The following ITGA1 variants were observed in gnomAD, a reference collection of about 807,000 sequenced individuals.
The protein encoded by ITGA1 is integrin alpha-1.
ITGA1 carries 85 observed loss-of-function variants against 145.9 expected under a neutral mutation model. The ratio of observed to expected loss-of-function variants is 0.58; its 90% CI spans 0.49 to 0.70. The LOEUF (loss-of-function observed/expected upper bound fraction) is 0.70. ITGA1 is among the 30% of genes least tolerant of loss of function. The probability of loss-of-function intolerance (pLI) is 0.00; values close to 1 mark genes in which losing one functional copy is unlikely to be tolerated. For synonymous variants in ITGA1, 520 were observed against 495.3 expected, an observed-to-expected ratio of 1.05 and a Z score of -0.66; for missense variants, 1,351 against 1,418.7, an observed-to-expected ratio of 0.95 and a Z score of 0.77.
At chr5:52,938,631 A>C (rs1270964369) in intron 24 of ITGA1, among the ~76,000 whole-genome samples, 1 of 152,198 alleles carries the variant, frequency 6.6e-6, no homozygotes, top group Non-Finnish European at 1.5e-5. Flanking sequence ...AATCTTATTA[A>C]CTTTTGTCAA....
At chr5:52,801,111 A>G (rs1748470641) in intron 1 of ITGA1, 1 of 1,600,652 alleles carries the variant, frequency 6.2e-7, no homozygotes, top group African/African-American at 1.3e-5. Flanking sequence ...ACCGGTCCAA[A>G]TTTCTTCAGG....
chr5:52,887,696 C>A, intron 7 of ITGA1, 119 bp from the exon 8 acceptor site: 1 of 863,606 alleles, frequency 1.2e-6, no homozygotes, highest in South Asian at 2.3e-5. Context: ...GGCATTGATG[C>A]TAATTTTGGA....
At position 52,955,931 on chromosome 5, in the gene ITGA1, G is replaced by A. The variant is rs1367968463; in HGVS notation, c.*3480G>A. 9.5e-5 allele frequency: 8 copies of A among 84,074 alleles called. No individual in the cohort carries two copies. The highest frequency in any genetic ancestry group is 1.7e-4 in the African/African-American group (4 of 23,744). 5.2% of individuals were successfully genotyped at this position (84,074 alleles called of 1,614,324 possible). ...CCATAATAATTTTATCTATAAATGC[G>A]TATATACATATATATATATATATAT... is the stretch of plus-strand genomic sequence containing the variant. On this transcript the variant is annotated 3_prime_UTR_variant, in exon 29 of 29. Transcript: ENST00000282588.
chr5:52,928,997 G>C (rs1253286824), intron 20 of ITGA1, among the ~76,000 whole-genome samples: 2 of 152,104 alleles, frequency 1.3e-5, no homozygotes, highest in Non-Finnish European at 2.9e-5. Flanking sequence ...TATTTAGTCT[G>C]TTGGGCCTAG....
intron 6 of ITGA1, among the ~76,000 whole-genome samples, chr5:52,873,038 C>A (rs1749803251): frequency 6.6e-6 from 1 of 152,090 alleles, no homozygotes; most frequent in Admixed American, 6.6e-5. Context: ...GGAAGATAGT[C>A]TAGGGTTTTA....
At chr5:52,915,714 C>G (rs189125277) in intron 15 of ITGA1, 120 bp downstream of exon 15, 1 of 1,222,250 alleles carries the variant, frequency 8.2e-7, no homozygotes, top group African/African-American at 1.5e-5. Context: ...TATGCAAATA[C>G]AAGTTATTCA....
intron 15 of ITGA1, among the ~76,000 whole-genome samples, chr5:52,917,473 G>GA (rs1401939968): frequency 6.7e-6 from 1 of 150,312 alleles, no homozygotes; most frequent in African/African-American, 2.5e-5. Context: ...ACTATACTCA[G>GA]AAACCTTTTT....
intron 2 of ITGA1, among the ~76,000 whole-genome samples, chr5:52,850,461 C>G (rs753633738): frequency 3.3e-5 from 5 of 152,014 alleles, no homozygotes; most frequent in Non-Finnish European, 5.9e-5. Flanking sequence ...AGTTTAATAA[C>G]TTAAACTAAA....
rs1192994868 is a variant in ITGA1 at position 52,910,318 on chromosome 5, T to C, written c.1756T>C (p.Phe586Leu). Residue 586 changes from phenylalanine (F) to leucine (L), a missense_variant, in exon 14 of 29, where the codon TTT becomes CTT. By Grantham distance (22) the Phe-to-Leu change is conservative. Transcript: ENST00000282588. ...AAVKDLNLDG[F>L]NDIVIGAPLE... The stretch of plus-strand genomic sequence containing the variant: ...TGTAAAAGACCTCAATCTTGATGGA[T>C]TTAATGACATCGTGATAGGAGCTCC... 6.2e-7 allele frequency: 1 copy of C among 1,613,946 alleles called. No homozygotes were observed. The highest frequency in any genetic ancestry group is 8.5e-7 in the Non-Finnish European group (1 of 1,179,910).
chr5:52,882,549 A>C lies in ITGA1; in HGVS notation c.773+528A>C, dbSNP rs375252797. ...AAAGTTTGAAAGAAATGGAAAGGATATTATCATTTGTAATCCTCTCTCCTT... is the reference window on the plus strand; with the variant it reads ...AAAGTTTGAAAGAAATGGAAAGGATCTTATCATTTGTAATCCTCTCTCCTT... On this transcript the variant is annotated intron_variant, in intron 7 of 28. Coordinates refer to ENST00000282588, the MANE Select transcript of ITGA1 (RefSeq NM_181501.2). Among the ~76,000 whole-genome samples, 17 of 150,592 alleles carry C rather than the reference A, an allele frequency of 1.1e-4. No individual in the cohort carries two copies. In the East Asian group the frequency reaches 2.4e-3, roughly 21 times the overall value.
intron 6 of ITGA1, among the ~76,000 whole-genome samples, chr5:52,871,879 A>G (rs1310387924): frequency 6.6e-6 from 1 of 152,144 alleles, no homozygotes; most frequent in Non-Finnish European, 1.5e-5. Flanking sequence ...ATAAAAACAA[A>G]CCTGAAACAC....
rs112228045 is a variant in ITGA1 at position 52,883,618 on chromosome 5, A to T, written c.773+1597A>T. ...TTTACCTTCATTTTCAGTAAATCCCAGTTCAAAGTTTTGTGTGTGTGTGTT... is the reference window on the plus strand; with the variant it reads ...TTTACCTTCATTTTCAGTAAATCCCTGTTCAAAGTTTTGTGTGTGTGTGTT... On this transcript the variant is annotated intron_variant, in intron 7 of 28. Coordinates refer to ENST00000282588, the MANE Select transcript of ITGA1 (RefSeq NM_181501.2). Among the ~76,000 whole-genome samples the T allele has an allele frequency of 3.9e-5, 6 of 152,276 alleles. 1 individual carries two copies. The highest frequency in any genetic ancestry group is 1.4e-4 in the African/African-American group (6 of 41,540).
At chr5:52,819,252 C>T (rs1487726560) in intron 1 of ITGA1, among the ~76,000 whole-genome samples, 2 of 152,196 alleles carry the variant, frequency 1.3e-5, no homozygotes, top group Non-Finnish European at 2.9e-5. Context: ...AACTAGTTTA[C>T]AGTCCCACCA....
intron 14 of ITGA1, among the ~76,000 whole-genome samples, chr5:52,910,656 G>GTA (rs990437670): frequency 1.4e-5 from 2 of 146,376 alleles, no homozygotes; most frequent in African/African-American, 5.0e-5. Flanking sequence ...TATATAATGT[G>GTA]TATATAGTAT....
chr5:52,821,392 C>T (rs1380425714), intron 1 of ITGA1, among the ~76,000 whole-genome samples: 1 of 152,012 alleles, frequency 6.6e-6, no homozygotes, highest in East Asian at 1.9e-4. Flanking sequence ...TGAAGATGGC[C>T]CCACTGATAT....
rs1298515968 is a variant in ITGA1, at chr5:52,925,385, T to A, written c.2511T>A (p.Asp837Glu). 6.2e-7 allele frequency: 1 copy of A among 1,613,978 alleles called. No individual in the cohort carries two copies. The highest frequency in any genetic ancestry group is 8.5e-7 in the Non-Finnish European group (1 of 1,179,938). The change falls in exon 19 of 29, where the codon GAT becomes GAA. Residue 837 changes from aspartate to glutamate, a missense_variant. Coordinates refer to ENST00000282588, the MANE Select transcript of ITGA1 (RefSeq NM_181501.2). ...TGCTGATTGTCCGATCCCAGAATGA[T>A]AAGTTCAACGTTAGCCTCACAGTCA... Reference protein sequence around the residue: ...KDLLIVRSQNDKFNVSLTVKN... With the variant: ...KDLLIVRSQNEKFNVSLTVKN...
Position 52,918,803 on chromosome 5 carries a change from A to G in ITGA1, c.2060A>G (p.Asn687Ser), listed in dbSNP as rs540885960. ...AATAAAGTGAATATTCAAAAGAAAA[A>G]CTGCCATATGGAGGGAAAGGAAACA... Reference protein sequence around the residue: ...EPNKVNIQKKNCHMEGKETVC... With the variant: ...EPNKVNIQKKSCHMEGKETVC... The change falls in exon 16 of 29, where the codon AAC (asparagine) becomes AGC (serine). Residue 687 changes from asparagine to serine, a missense_variant. Transcript: ENST00000282588. 6.2e-6 allele frequency: 10 copies of G among 1,612,758 alleles called. No individual in the cohort carries two copies. In the African/African-American group the frequency reaches 1.1e-4, roughly 17 times the overall value.
chr5:52,835,706 T>C (rs932047977), intron 1 of ITGA1, among the ~76,000 whole-genome samples: 1 of 152,188 alleles, frequency 6.6e-6, no homozygotes, highest in Non-Finnish European at 1.5e-5. Flanking sequence ...AATTAGTTAT[T>C]AGATTCCATT....
At chr5:52,858,796 A>G (rs968536366) in intron 2 of ITGA1, among the ~76,000 whole-genome samples, 1 of 152,334 alleles carries the variant, frequency 6.6e-6, no homozygotes, top group Non-Finnish European at 1.5e-5. Flanking sequence ...ACCTAATAAT[A>G]ATAAGAACTA....
Sources: allele counts gnomAD v4.1 joint callset (sites outside exome capture counted in the v4.1 genomes callset), GRCh38; gene constraint gnomAD v4.1.1; transcripts MANE v1.5; gene names NCBI Gene and HGNC (gene_info 2026-07-23, HGNC 2026-07-21).